Variants in ADAM32 observed in about 807,000 individuals in gnomAD.
ADAM32 encodes the protein disintegrin and metalloproteinase domain-containing protein 32.
ADAM32 carries 89 observed loss-of-function variants against 114.9 expected under a neutral mutation model. That is an observed-to-expected ratio of 0.77 (90% confidence interval 0.65 to 0.92). ADAM32 has a LOEUF of 0.92. ADAM32 is among the 40% of genes least tolerant of loss of function. The probability of loss-of-function intolerance (pLI) is 0.00; values close to 1 mark genes in which losing one functional copy is unlikely to be tolerated. For synonymous variants in ADAM32, 285 were observed against 307.5 expected (o/e 0.93, Z 0.77); for missense variants, 870 against 932.8 (o/e 0.93, Z 0.88).
chr8:39,116,040 G>T (rs1391947336), intron 1 of ADAM32, among the ~76,000 whole-genome samples: 1 of 152,164 alleles, frequency 6.6e-6, no homozygotes, highest in Non-Finnish European at 1.5e-5. Context: ...AGATCAGATG[G>T]TTATAGGTGT....
intron 10 of ADAM32, among the ~76,000 whole-genome samples, chr8:39,173,806 T>C (rs1450810632): frequency 6.6e-6 from 1 of 152,212 alleles, no homozygotes; most frequent in Non-Finnish European, 1.5e-5. Context: ...GTTTTACATT[T>C]CAGTTTTTAA....
chr8:39,215,886 T>C (rs1808523032), intron 12 of ADAM32, among the ~76,000 whole-genome samples: 1 of 152,194 alleles, frequency 6.6e-6, no homozygotes, highest in Middle Eastern at 3.4e-3. Context: ...TGAAATGTTC[T>C]GTAAATATCT....
intron 19 of ADAM32, among the ~76,000 whole-genome samples, chr8:39,261,007 T>TAGTG (rs1811987995): frequency 6.6e-6 from 1 of 152,172 alleles, no homozygotes; most frequent in Non-Finnish European, 1.5e-5. Flanking sequence ...ATGTAATGTA[T>TAGTG]AGTGATCAGA....
rs191665612 is a variant in ADAM32, at chr8:39,131,956, C to T, written c.139-4701C>T. 2.0e-3 allele frequency: 557 copies of T among 284,080 alleles called. 3 individuals are homozygous for T. Among genetic ancestry groups the T allele is most frequent in the Non-Finnish European group, 2.4e-3 (327 of 136,568 alleles). 17.6% of individuals were successfully genotyped at this position (284,080 alleles called of 1,614,324 possible). On this transcript the variant is annotated intron_variant, in intron 2 of 24. Coordinates refer to ENST00000379907, the MANE Select transcript of ADAM32 (RefSeq NM_145004.7). ...TCGCTCAGGCTGGAGTGTAGTGGCA[C>T]GATCTCGGCTCACCTCAATCTCCGT... is the stretch of plus-strand genomic sequence containing the variant.
intron 9 of ADAM32, chr8:39,168,034 T>C (rs541975474): frequency 3.9e-5 from 6 of 152,318 alleles, no homozygotes; most frequent in African/African-American, 1.4e-4. Flanking sequence ...TGTAAGGGCT[T>C]TTTGAATGCT....
intron 11 of ADAM32, among the ~76,000 whole-genome samples, chr8:39,188,359 ATCTG>A (rs1181893122): frequency 1.6e-5 from 2 of 123,582 alleles, no homozygotes; most frequent in Admixed American, 9.0e-5. Flanking sequence ...GATAAATGGA[ATCTG>A]TCTATCTATC....
At chr8:39,254,384 C>T (rs1453797683) in intron 17 of ADAM32, 30 bp from the exon 18 acceptor site, 1 of 1,480,380 alleles carries the variant, frequency 6.8e-7, no homozygotes, top group African/African-American at 1.4e-5. Flanking sequence ...TATTTTAAAA[C>T]AATCATTTAA....
chr8:39,246,602 T>C (rs541789054), intron 17 of ADAM32, among the ~76,000 whole-genome samples: 1 of 152,288 alleles, frequency 6.6e-6, no homozygotes, highest in South Asian at 2.1e-4. Flanking sequence ...ACAGAGATTT[T>C]CCATATATCC....
At chr8:39,210,327 T>G (rs1461435303) in intron 11 of ADAM32, among the ~76,000 whole-genome samples, 1 of 152,202 alleles carries the variant, frequency 6.6e-6, no homozygotes, top group Non-Finnish European at 1.5e-5. Context: ...CGCAAAACTG[T>G]CATTCCTATG....
chr8:39,245,462 A>T (rs1314592188), intron 16 of ADAM32, among the ~76,000 whole-genome samples: 5 of 152,284 alleles, frequency 3.3e-5, no homozygotes, highest in Middle Eastern at 3.4e-3. Flanking sequence ...AATAAAAATT[A>T]AAAAAAGAAG....
At chr8:39,175,537 A>G (rs1293377916) in intron 10 of ADAM32, among the ~76,000 whole-genome samples, 1 of 152,190 alleles carries the variant, frequency 6.6e-6, no homozygotes, top group Non-Finnish European at 1.5e-5. Flanking sequence ...CAACTTGATC[A>G]TAGTGGATAA....
chr8:39,154,873 C>T (rs1379735913), intron 6 of ADAM32, among the ~76,000 whole-genome samples: 3 of 123,944 alleles, frequency 2.4e-5, no homozygotes, highest in Non-Finnish European at 5.4e-5. Context: ...ACCCTTCACC[C>T]ACTTTTTGAT....
At chr8:39,127,103 T>G (rs964209679) in intron 2 of ADAM32, among the ~76,000 whole-genome samples, 2 of 152,228 alleles carry the variant, frequency 1.3e-5, no homozygotes, top group Non-Finnish European at 2.9e-5. Context: ...GCACTGATTT[T>G]CATCAGGGAT....
intron 3 of ADAM32, among the ~76,000 whole-genome samples, chr8:39,146,600 G>A (rs1049485241): frequency 1.1e-4 from 16 of 151,730 alleles, no homozygotes; most frequent in Non-Finnish European, 1.5e-5. Flanking sequence ...TAGTAGAGAC[G>A]GGGTTTCACC....
At chr8:39,113,671 A>T (rs1840258326) in intron 1 of ADAM32, among the ~76,000 whole-genome samples, 1 of 152,146 alleles carries the variant, frequency 6.6e-6, no homozygotes, top group African/African-American at 2.4e-5. Context: ...ACATTCTGGC[A>T]TGCATGTATC....
chr8:39,190,143 A>T (rs142357985), intron 11 of ADAM32, among the ~76,000 whole-genome samples: 13 of 152,278 alleles, frequency 8.5e-5, no homozygotes, highest in African/African-American at 3.1e-4. Context: ...GAGAATTGTG[A>T]TATTTACCTT....
chr8:39,220,214 T>A (rs1056635743), intron 12 of ADAM32, among the ~76,000 whole-genome samples: 1 of 152,210 alleles, frequency 6.6e-6, no homozygotes, highest in African/African-American at 2.4e-5. Flanking sequence ...CTTTTATTAC[T>A]GTTTTTGGTC....
chr8:39,185,310 C>T (rs1458890883), intron 10 of ADAM32, among the ~76,000 whole-genome samples: 1 of 148,322 alleles, frequency 6.7e-6, no homozygotes, highest in Non-Finnish European at 1.5e-5. Context: ...AACCAAGATC[C>T]ATTGCACTAT....
At chr8:39,174,025 G>C (rs1287607385) in intron 10 of ADAM32, among the ~76,000 whole-genome samples, 2 of 152,138 alleles carry the variant, frequency 1.3e-5, no homozygotes, top group African/African-American at 4.8e-5. Context: ...AGGTTTCACT[G>C]TGTTGGTCAG....
Sources: allele counts gnomAD v4.1 joint callset (sites outside exome capture counted in the v4.1 genomes callset), GRCh38; gene constraint gnomAD v4.1.1; transcripts MANE v1.5; gene names NCBI Gene and HGNC (gene_info 2026-07-23, HGNC 2026-07-21).